TMIGD3: variants seen among roughly 807,000 people sequenced by gnomAD.
TMIGD3 encodes the protein transmembrane and immunoglobulin domain containing 3.
TMIGD3 carries 21 observed loss-of-function variants against 28.1 expected under a neutral mutation model. The observed-to-expected ratio is 0.75, with a 90% CI of 0.53 to 1.08. The LOEUF (loss-of-function observed/expected upper bound fraction) is 1.08. Among genes scored for constraint, TMIGD3 ranks in the 50% least tolerant of loss-of-function variants. TMIGD3 has a pLI of 0.00. For missense variants in TMIGD3, 416 were observed against 435.6 expected (o/e 0.96, Z 0.40); for synonymous variants, 151 against 162.1 (o/e 0.93, Z 0.52).
chr1:111,517,520 A>G (rs1557832377), intron 1 of TMIGD3, among the ~76,000 whole-genome samples: 1 of 152,192 alleles, frequency 6.6e-6, no homozygotes, highest in East Asian at 1.9e-4. Context: ...TGAGTAGAGC[A>G]TTTCTGAATT....
chr1:111,522,450 C>G (rs540195665), intron 1 of TMIGD3, among the ~76,000 whole-genome samples: 9 of 151,914 alleles, frequency 5.9e-5, no homozygotes, highest in African/African-American at 2.2e-4. Context: ...CTCAGCAATT[C>G]TCTGTAGTTT....
chr1:111,563,443 G>C (rs1196083086), intron 1 of TMIGD3, among the ~76,000 whole-genome samples: 1 of 152,230 alleles, frequency 6.6e-6, no homozygotes, highest in Non-Finnish European at 1.5e-5. Flanking sequence ...TCCAAGGCCA[G>C]ATTGAGATTT....
rs1263291432 is a variant in TMIGD3 at position 111,489,034 on chromosome 1, CACA to C, written c.458-13_458-11del. 1 of 1,264,442 alleles carries C rather than the reference CACA, an allele frequency of 7.9e-7. No individual in the cohort carries two copies. Among genetic ancestry groups the C allele is most frequent in the Non-Finnish European group, 1.0e-6 (1 of 955,546 alleles). The allele number at this position is 1,264,442 out of a possible 1,614,324, so 78.3% of individuals were successfully genotyped here. ...TCCATGACCATGGCATCTGTGAAAA[CACA>C]CACACACACGCACACGTGCACACAC... On this transcript the variant is annotated splice_polypyrimidine_tract_variant and intron_variant, in intron 2 of 5. Coordinates refer to ENST00000369716, the MANE Select transcript of TMIGD3 (RefSeq NM_020683.7).
intron 1 of TMIGD3, among the ~76,000 whole-genome samples, chr1:111,539,482 G>A (rs943879817): frequency 1.3e-5 from 2 of 152,132 alleles, no homozygotes; most frequent in African/African-American, 4.8e-5. Context: ...ATTTTTAGTA[G>A]AGATGGGATT....
intron 1 of TMIGD3, among the ~76,000 whole-genome samples, chr1:111,526,191 C>T (rs772683684): frequency 1.3e-5 from 2 of 152,180 alleles, no homozygotes; most frequent in Non-Finnish European, 2.9e-5. Flanking sequence ...CTCCCCACCA[C>T]ACACACAATC....
At chr1:111,486,936 A>G (rs1046174465) in intron 3 of TMIGD3, among the ~76,000 whole-genome samples, 4 of 152,180 alleles carry the variant, frequency 2.6e-5, no homozygotes, top group Admixed American at 1.3e-4. Flanking sequence ...CCTTTTCCAG[A>G]TTTGAACAAA....
intron 1 of TMIGD3, among the ~76,000 whole-genome samples, chr1:111,538,309 G>A (rs1221937236): frequency 6.6e-6 from 1 of 152,184 alleles, no homozygotes; most frequent in African/African-American, 2.4e-5. Flanking sequence ...CAGGGAAGGG[G>A]CATTTGAGCT....
intron 1 of TMIGD3, among the ~76,000 whole-genome samples, chr1:111,562,965 T>C (rs754025453): frequency 6.6e-6 from 1 of 152,258 alleles, no homozygotes; most frequent in Non-Finnish European, 1.5e-5. Flanking sequence ...TTAAGAACTT[T>C]AGATAGATTA....
intron 1 of TMIGD3, among the ~76,000 whole-genome samples, chr1:111,497,249 T>G (rs898421397): frequency 6.6e-6 from 1 of 152,206 alleles, no homozygotes; most frequent in African/African-American, 2.4e-5. Context: ...TAGCTGGGAC[T>G]ACAGCTGCCC....
intron 1 of TMIGD3, among the ~76,000 whole-genome samples, chr1:111,495,442 T>G (rs915801806): frequency 6.6e-6 from 1 of 152,190 alleles, no homozygotes; most frequent in Non-Finnish European, 1.5e-5. Context: ...AGAATGGCTA[T>G]TATGAGAACG....
In TMIGD3 at chr1:111,518,129, T is replaced by A. The variant is rs565327547; in HGVS notation, c.108-27367A>T. Among the ~76,000 whole-genome samples, 8 of 152,350 alleles carry A rather than the reference T, an allele frequency of 5.3e-5. No individual in the cohort carries two copies. The East Asian group carries it at 1.5e-3, about 29-fold the overall frequency. On this transcript the variant is annotated intron_variant, in intron 1 of 5. Transcript: ENST00000369717. ...GAGGAACCACTTTTAACCTTTTTGC[T>A]ATACCTGTGCTAACTGTTTGACAGA...
intron 1 of TMIGD3, chr1:111,500,706 T>C (rs2798566): frequency 0.81 from 597,627 of 738,482 alleles, 242,313 homozygotes; most frequent in Middle Eastern, 0.89. Context: ...AGCATTGATA[T>C]CCTATGGTGA....
intron 1 of TMIGD3, among the ~76,000 whole-genome samples, chr1:111,517,835 A>G (rs539132906): frequency 6.6e-6 from 1 of 152,072 alleles, no homozygotes; most frequent in South Asian, 2.1e-4. Flanking sequence ...TCCCCTTCAT[A>G]CTCCACATCA....
chr1:111,523,847 GATCA>G (rs942843123), intron 1 of TMIGD3, among the ~76,000 whole-genome samples: 3 of 151,480 alleles, frequency 2.0e-5, no homozygotes, highest in Admixed American at 2.0e-4. Flanking sequence ...TCTTTTTCTT[GATCA>G]ATCAGACTAA....
At chr1:111,503,884 G>A (rs1323964938), upstream of TMIGD3, 1 of 992,516 alleles carries the variant, frequency 1.0e-6, no homozygotes, top group African/African-American at 1.7e-5. Context: ...CATTCATTCA[G>A]GGACCAGAGG....
intron 1 of TMIGD3, among the ~76,000 whole-genome samples, chr1:111,552,304 A>C (rs1657295957): frequency 6.6e-6 from 1 of 152,176 alleles, no homozygotes; most frequent in Non-Finnish European, 1.5e-5. Context: ...TCAAGTGGCT[A>C]TCTGCCACTG....
intron 1 of TMIGD3, among the ~76,000 whole-genome samples, chr1:111,492,226 T>C (rs1225634476): frequency 6.6e-6 from 1 of 152,182 alleles, no homozygotes; most frequent in Non-Finnish European, 1.5e-5. Flanking sequence ...TGAGACACCA[T>C]GCATTAACCA....
chr1:111,487,635 A>C (rs554947724), intron 3 of TMIGD3, among the ~76,000 whole-genome samples: 144 of 152,268 alleles, frequency 9.5e-4, no homozygotes, highest in Non-Finnish European at 1.4e-3. Context: ...ACATCTGGAA[A>C]TCCTATGTCT....
chr1:111,491,823 A>G (rs1654680360), intron 1 of TMIGD3, among the ~76,000 whole-genome samples: 1 of 152,254 alleles, frequency 6.6e-6, no homozygotes, highest in Non-Finnish European at 1.5e-5. Flanking sequence ...AATTTAGAAT[A>G]TATGGACAGT....
Sources: gnomAD v4.1 joint callset for allele counts (sites outside exome capture counted in the v4.1 genomes callset) on GRCh38, gnomAD v4.1.1 for gene constraint, MANE v1.5 for transcripts, NCBI Gene and HGNC (gene_info 2026-07-23, HGNC 2026-07-21) for gene names.